Variants in MYO6 observed in about 807,000 individuals in gnomAD.
MYO6 encodes myosin VI.
A neutral mutation model predicts 178.7 loss-of-function variants in MYO6; 74 were observed. The ratio of observed to expected loss-of-function variants is 0.41; its 90% CI spans 0.34 to 0.50. The LOEUF (loss-of-function observed/expected upper bound fraction) is 0.50, where lower values mean the gene tolerates loss of function less well. MYO6 is among the 20% of genes least tolerant of loss of function. MYO6 has a pLI of 0.09. For missense variants in MYO6, 1,330 were observed against 1,547.4 expected (o/e 0.86, Z 2.36); for synonymous variants, 477 against 504.6 (o/e 0.95, Z 0.73).
At chr6:75,756,879 T>C (rs556076524) in intron 1 of MYO6, among the ~76,000 whole-genome samples, 1 of 88,334 alleles carries the variant, frequency 1.1e-5, no homozygotes, top group Non-Finnish European at 2.6e-5. Flanking sequence ...AGAGTACTTA[T>C]GTGTGTTGTG....
chr6:75,810,101 A>AAG (rs1770546562), intron 1 of MYO6, among the ~76,000 whole-genome samples: 1 of 150,600 alleles, frequency 6.6e-6, no homozygotes, highest in African/African-American at 2.4e-5. Flanking sequence ...AAAAAAAAAA[A>AAG]AGATCCATAG....
chr6:75,797,692 C>T (rs1254596861), intron 1 of MYO6, among the ~76,000 whole-genome samples: 1 of 152,022 alleles, frequency 6.6e-6, no homozygotes, highest in Non-Finnish European at 1.5e-5. Context: ...TGCCACCACG[C>T]CTGTCTAATT....
intron 1 of MYO6, among the ~76,000 whole-genome samples, chr6:75,787,734 A>C (rs1018038724): frequency 1.1e-3 from 66 of 62,432 alleles, no homozygotes; most frequent in Non-Finnish European, 1.7e-3. Context: ...CTCTCTCTAT[A>C]TATATATATA....
intron 1 of MYO6, among the ~76,000 whole-genome samples, chr6:75,810,119 G>C (rs541563850): frequency 5.2e-4 from 79 of 151,106 alleles, no homozygotes; most frequent in Non-Finnish European, 9.4e-4. Context: ...TAGATGTTGA[G>C]GTTCTTGTTA....
intron 11 of MYO6, 32 bp downstream of exon 11, chr6:75,848,563 A>T: frequency 3.8e-6 from 6 of 1,591,792 alleles, no homozygotes; most frequent in Middle Eastern, 3.3e-4. Context: ...GAGGAAAAAA[A>T]TTAAATAGAA....
intron 1 of MYO6, among the ~76,000 whole-genome samples, chr6:75,801,598 A>G (rs987871869): frequency 2.0e-5 from 3 of 152,106 alleles, no homozygotes; most frequent in East Asian, 1.9e-4. Context: ...TCTTCAAAGC[A>G]TGTTGTGGAG....
intron 1 of MYO6, among the ~76,000 whole-genome samples, chr6:75,763,716 A>G (rs972915734): frequency 4.6e-5 from 7 of 152,208 alleles, no homozygotes; most frequent in Non-Finnish European, 5.9e-5. Context: ...TTTGTTATAA[A>G]ATTCATTAGG....
chr6:75,823,618 A>G (rs1189810290), intron 3 of MYO6, among the ~76,000 whole-genome samples: 1 of 152,230 alleles, frequency 6.6e-6, no homozygotes, highest in African/African-American at 2.4e-5. Context: ...TAGATGTGTT[A>G]TTATTGATTT....
intron 1 of MYO6, among the ~76,000 whole-genome samples, chr6:75,754,171 T>C (rs1777138331): frequency 1.3e-5 from 2 of 152,102 alleles, no homozygotes; most frequent in African/African-American, 4.8e-5. Flanking sequence ...CAAAGGAAAC[T>C]CTTGACAAAA....
chr6:75,774,512 A>G (rs1297815027), intron 1 of MYO6, among the ~76,000 whole-genome samples: 1 of 152,158 alleles, frequency 6.6e-6, no homozygotes, highest in Non-Finnish European at 1.5e-5. Context: ...AATGAATGCA[A>G]TTTAATGTTT....
chr6:75,884,015 A>G (rs1778238512), intron 23 of MYO6, among the ~76,000 whole-genome samples: 1 of 152,244 alleles, frequency 6.6e-6, no homozygotes. Context: ...TTCCAAATAA[A>G]ATACAGAAAC....
chr6:75,871,751 T>A (rs1777170290), intron 19 of MYO6, among the ~76,000 whole-genome samples: 1 of 152,192 alleles, frequency 6.6e-6, no homozygotes, highest in South Asian at 2.1e-4. Context: ...TATTTTTATT[T>A]CTTAGATAGG....
intron 26 of MYO6, 106 bp from the exon 27 acceptor site, chr6:75,891,122 T>C (rs1238615216): frequency 2.8e-6 from 2 of 716,628 alleles, no homozygotes; most frequent in South Asian, 1.7e-5. Context: ...TTAATTTGCA[T>C]TCCCAATCTG....
chr6:75,828,024 A>G (rs997780371), intron 3 of MYO6, among the ~76,000 whole-genome samples: 3 of 152,196 alleles, frequency 2.0e-5, no homozygotes, highest in Non-Finnish European at 4.4e-5. Context: ...CTCTCCCATT[A>G]ATTAGCTTCA....
intron 1 of MYO6, among the ~76,000 whole-genome samples, chr6:75,786,300 T>C (rs915005489): frequency 6.6e-6 from 1 of 152,158 alleles, no homozygotes; most frequent in Non-Finnish European, 1.5e-5. Flanking sequence ...CCACACTGTT[T>C]TATTGTGGCT....
chr6:75,836,443 G>A (rs1269196645), intron 7 of MYO6, among the ~76,000 whole-genome samples: 1 of 152,060 alleles, frequency 6.6e-6, no homozygotes, highest in Non-Finnish European at 1.5e-5. Context: ...GAGACTGCTG[G>A]CCTAGACTAC....
chr6:75,831,879 T>C (rs1390152461), intron 5 of MYO6, among the ~76,000 whole-genome samples: 1 of 146,094 alleles, frequency 6.8e-6, no homozygotes, highest in Non-Finnish European at 1.5e-5. Flanking sequence ...GACAGAGAGA[T>C]ACCCTGTCTC....
Position 75,916,603 on chromosome 6 carries a change from T to C in MYO6, c.*1591T>C, listed in dbSNP as rs1478330136. 2.0e-5 allele frequency: 3 copies of C among 152,648 alleles called. No homozygotes were observed. The highest frequency in any genetic ancestry group is 3.2e-3 in the Middle Eastern group (1 of 316). 9.5% of individuals were successfully genotyped at this position (152,648 alleles called of 1,614,324 possible). On this transcript the variant is annotated 3_prime_UTR_variant, in exon 35 of 35. Transcript: ENST00000369977. ...AGCTACTGAAGTAAATGACCTATTC[T>C]CTCTCTTCCATCTCTCGCCTTTAAC... is the stretch of plus-strand genomic sequence containing the variant.
chr6:75,849,772 A>G lies in MYO6; in HGVS notation c.1078+1241A>G, dbSNP rs530551422. Among the ~76,000 whole-genome samples the G allele has an allele frequency of 2.0e-5, 3 of 152,326 alleles. No individual in the cohort carries two copies. The South Asian group carries it at 6.2e-4, about 32-fold the overall frequency. On this transcript the variant is annotated intron_variant, in intron 11 of 34. Transcript: ENST00000369977. The stretch of plus-strand genomic sequence containing the variant: ...TGTTACCAGAGCGAGAAACAAAGGC[A>G]GTAAATTATTTTGTGATGTGTTTTA...
Sources: allele counts gnomAD v4.1 joint callset (sites outside exome capture counted in the v4.1 genomes callset), GRCh38; gene constraint gnomAD v4.1.1; transcripts MANE v1.5; gene names NCBI Gene and HGNC (gene_info 2026-07-23, HGNC 2026-07-21).